Variants in NFIC observed in about 807,000 individuals in gnomAD.
NFIC encodes nuclear factor 1 C-type.
NFIC carries 12 observed loss-of-function variants against 54.4 expected under a neutral mutation model. The observed-to-expected ratio is 0.22, with a 90% confidence interval of 0.14 to 0.36. NFIC has a LOEUF of 0.36. Among genes scored for constraint, NFIC ranks in the 10% least tolerant of loss-of-function variants. The pLI is 1.00. For synonymous variants in NFIC, 322 were observed against 319.2 expected (o/e 1.01, Z -0.09); for missense variants, 575 against 718.2 (o/e 0.80, Z 2.28).
At chr19:3,385,231 G>A (rs75107868) in intron 2 of NFIC, among the ~76,000 whole-genome samples, 7,304 of 123,686 alleles carry the variant, frequency 0.059, 196 homozygotes, top group South Asian at 0.11. Context: ...CCTGCCCACT[G>A]CGGGTGCTCC....
chr19:3,368,188 G>A (rs1201619927), intron 1 of NFIC, among the ~76,000 whole-genome samples: 3 of 152,212 alleles, frequency 2.0e-5, no homozygotes, highest in African/African-American at 7.2e-5. Flanking sequence ...GGGTGACTGA[G>A]GTGTCCCCGC....
intron 2 of NFIC, among the ~76,000 whole-genome samples, chr19:3,390,008 A>C (rs1234253926): frequency 6.6e-6 from 1 of 152,226 alleles, no homozygotes; most frequent in African/African-American, 2.4e-5. Flanking sequence ...ACAAACAAAA[A>C]GAATGCTCAT....
chr19:3,364,190 C>G (rs758257), upstream of NFIC, among the ~76,000 whole-genome samples: 139,979 of 151,842 alleles, frequency 0.92, 64,722 homozygotes, highest in Admixed American at 0.94. Flanking sequence ...AGATTGTGCT[C>G]GAAAGTGCCA....
In NFIC at chr19:3,381,787, G is replaced by T; in HGVS notation, c.106G>T (p.Ala36Ser). Residue 36 changes from alanine (A) to serine (S), a missense_variant, in exon 2 of 11, where the codon GCG (alanine) becomes TCG (serine). Physicochemically the swap from Ala to Ser is moderately conservative, Grantham distance 99. This residue lies in a region of NFIC where 122 missense variants were observed against 158.0 expected (regional missense o/e 0.77). Coordinates refer to ENST00000443272, the MANE Select transcript of NFIC (RefSeq NM_001245002.2). Reference protein sequence around the residue: ...AFAYTWFNLQARKRKYFKKHE... With the variant: ...AFAYTWFNLQSRKRKYFKKHE... ...CGCCTACACCTGGTTCAACCTGCAG[G>T]CGCGGAAGCGCAAGTACTTCAAGAA... The T allele has an allele frequency of 6.2e-7, 1 of 1,613,972 alleles. No individual in the cohort carries two copies. The highest frequency in any genetic ancestry group is 8.5e-7 in the Non-Finnish European group (1 of 1,179,964).
At chr19:3,380,206 G>C (rs192942647) in intron 1 of NFIC, among the ~76,000 whole-genome samples, 2,435 of 148,328 alleles carry the variant, frequency 0.016, 33 homozygotes, top group South Asian at 0.025. Context: ...GGGTTTCACT[G>C]TGTTAGCCAG....
At chr19:3,420,872 A>G (rs2081943632) in intron 2 of NFIC, among the ~76,000 whole-genome samples, 1 of 151,994 alleles carries the variant, frequency 6.6e-6, no homozygotes, top group Non-Finnish European at 1.5e-5. Flanking sequence ...ACAGGTGCCC[A>G]CCACCACGCC....
At chr19:3,417,076 G>A (rs1216346834) in intron 2 of NFIC, among the ~76,000 whole-genome samples, 10 of 150,428 alleles carry the variant, frequency 6.6e-5, no homozygotes, top group Admixed American at 1.3e-4. Context: ...TAGTAGAGAT[G>A]GGGTTTCACC....
intron 2 of NFIC, 42 bp from the exon 3 acceptor site, chr19:3,425,064 G>A: frequency 6.2e-7 from 1 of 1,605,246 alleles, no homozygotes; most frequent in Non-Finnish European, 8.5e-7. Flanking sequence ...CCTGGGGTGG[G>A]GTCTCTGTGA....
chr19:3,396,151 G>T (rs865987383), intron 2 of NFIC, among the ~76,000 whole-genome samples: 8 of 152,294 alleles, frequency 5.3e-5, no homozygotes, highest in African/African-American at 1.9e-4. Context: ...TGCTTTGGAT[G>T]CTGGGCACGG....
intron 2 of NFIC, among the ~76,000 whole-genome samples, chr19:3,392,932 A>G (rs527480880): frequency 6.6e-6 from 1 of 152,220 alleles, no homozygotes; most frequent in African/African-American, 2.4e-5. Flanking sequence ...TCTAAGTCCC[A>G]TCTTTATTTT....
chr19:3,390,102 C>G (rs987815361), intron 2 of NFIC, among the ~76,000 whole-genome samples: 2 of 152,260 alleles, frequency 1.3e-5, no homozygotes, highest in Non-Finnish European at 2.9e-5. Flanking sequence ...CTCCTTTTCC[C>G]AACCCAGTGA....
chr19:3,379,708 CAG>C (rs2081170041), intron 1 of NFIC, among the ~76,000 whole-genome samples: 1 of 113,244 alleles, frequency 8.8e-6, no homozygotes, highest in Non-Finnish European at 1.6e-5. Flanking sequence ...AGTCAGGAGT[CAG>C]GGGTCTCACT....
intron 6 of NFIC, among the ~76,000 whole-genome samples, chr19:3,447,965 C>T (rs531575206): frequency 9.7e-4 from 148 of 152,326 alleles, no homozygotes; most frequent in African/African-American, 3.4e-3. Flanking sequence ...AGTGCAATGG[C>T]GTGATCTCGG....
intron 1 of NFIC, among the ~76,000 whole-genome samples, chr19:3,373,311 C>T (rs968842368): frequency 6.6e-6 from 1 of 152,194 alleles, no homozygotes; most frequent in Non-Finnish European, 1.5e-5. Context: ...GTTCATTTTG[C>T]TGACTCACTG....
chr19:3,394,524 C>CCG (rs1318616226), intron 2 of NFIC, among the ~76,000 whole-genome samples: 2 of 23,050 alleles, frequency 8.7e-5, no homozygotes, highest in Non-Finnish European at 2.0e-4. Flanking sequence ...TCCCCACCCA[C>CCG]CCCCCACCCG....
At chr19:3,371,253 G>T (rs2081003551) in intron 1 of NFIC, 1 of 151,346 alleles carries the variant, frequency 6.6e-6, no homozygotes, top group South Asian at 2.1e-4. Flanking sequence ...ACCGTTTCTT[G>T]CCCTGAAATG....
intron 6 of NFIC, among the ~76,000 whole-genome samples, chr19:3,447,437 A>T (rs2082389966): frequency 6.6e-6 from 1 of 152,156 alleles, no homozygotes; most frequent in African/African-American, 2.4e-5. Context: ...TTTTGAAGAC[A>T]GGGTGAAAGT....
intron 2 of NFIC, among the ~76,000 whole-genome samples, chr19:3,384,048 T>G (rs1327723319): frequency 1.5e-5 from 2 of 134,524 alleles, no homozygotes; most frequent in African/African-American, 5.9e-5. Flanking sequence ...AGTTACCCAG[T>G]GTTTTTTTTT....
chr19:3,430,256 T>C (rs1172153456), intron 3 of NFIC, among the ~76,000 whole-genome samples: 1 of 151,960 alleles, frequency 6.6e-6, no homozygotes, highest in Non-Finnish European at 1.5e-5. Flanking sequence ...TTTTTTTTTT[T>C]TTTACCCCCA....
Sources: allele counts gnomAD v4.1 joint callset (sites outside exome capture counted in the v4.1 genomes callset), GRCh38; gene constraint gnomAD v4.1.1; regional missense constraint gnomAD v4.1.1; transcripts MANE v1.5; gene names NCBI Gene and HGNC (gene_info 2026-07-23, HGNC 2026-07-21).